Variants in MAP3K21 observed in about 807,000 individuals in gnomAD.
The protein encoded by MAP3K21 is mitogen-activated protein kinase kinase kinase MLK4.
In MAP3K21, 63 loss-of-function variants were observed where a neutral mutation model predicts 86.1. The ratio of observed to expected loss-of-function variants is 0.73; its 90% confidence interval spans 0.60 to 0.90. The LOEUF (loss-of-function observed/expected upper bound fraction) is 0.90, where lower values mean the gene tolerates loss of function less well. MAP3K21 is among the 40% of genes least tolerant of loss of function. The pLI, the probability that MAP3K21 is intolerant of heterozygous loss-of-function variation, is 0.00. For missense variants in MAP3K21, 1,220 were observed against 1,367.7 expected, an observed-to-expected ratio of 0.89 and a Z score of 1.70; for synonymous variants, 558 against 564.8, an observed-to-expected ratio of 0.99 and a Z score of 0.17.
chr1:233,347,191 A>G (rs1208970619), intron 2 of MAP3K21, among the ~76,000 whole-genome samples: 2 of 152,166 alleles, frequency 1.3e-5, no homozygotes, highest in Non-Finnish European at 2.9e-5. Context: ...CACTGCACCC[A>G]GCCTGAATTG....
intron 1 of MAP3K21, among the ~76,000 whole-genome samples, chr1:233,342,736 G>C (rs1663060159): frequency 6.6e-6 from 1 of 152,104 alleles, no homozygotes. Flanking sequence ...TAGATGGATA[G>C]GAAGAATGAA....
intron 5 of MAP3K21, among the ~76,000 whole-genome samples, chr1:233,369,984 G>A (rs1374924659): frequency 1.3e-5 from 2 of 152,094 alleles, no homozygotes; most frequent in Admixed American, 6.5e-5. Context: ...AATCATGAGA[G>A]GCCTTTGAAG....
In MAP3K21 at chr1:233,354,894, G is replaced by A. The variant is rs1272907373; in HGVS notation, c.1194G>A (p.Leu398=). Residue 398 remains leucine, a synonymous_variant, in exon 4 of 10, where the codon TTG becomes TTA. Transcript: ENST00000366624. The part of the protein sequence containing the change: ...RPSFALILEQ[L]TAIEGAVMTE... ...CGTTTGCCTTAATTCTCGAACAGTT[G>A]ACTGCTATTGAAGGGGCAGTGATGA... 5 of 1,613,846 alleles carry A rather than the reference G, an allele frequency of 3.1e-6. No individual in the cohort carries two copies. The highest frequency in any genetic ancestry group is 4.2e-6 in the Non-Finnish European group (5 of 1,179,900).
chr1:233,349,522 A>C (rs753183880), intron 2 of MAP3K21, among the ~76,000 whole-genome samples: 1 of 152,220 alleles, frequency 6.6e-6, no homozygotes, highest in Non-Finnish European at 1.5e-5. Context: ...AAGAGAAAAA[A>C]AGGAAAAGAA....
Position 233,362,221 on chromosome 1 carries a change from A to G in MAP3K21, c.1480A>G (p.Lys494Glu), listed in dbSNP as rs778618563. The G allele has an allele frequency of 6.8e-6, 11 of 1,614,136 alleles. No individual in the cohort carries two copies. Among genetic ancestry groups the G allele is most frequent in the Non-Finnish European group, 9.3e-6 (11 of 1,180,052 alleles). ...GCTAAACCAGGAGAAGCCCAAGGTA[A>G]AGAAGAGGAAGGGCAAGTTTAAGAG... ...FQLNQEKPKV[K>E]KRKGKFKRSR... The change falls in exon 5 of 10, where the codon AAG becomes GAG. Residue 494 changes from lysine (K) to glutamate (E), a missense_variant. Transcript: ENST00000366624.
chr1:233,349,215 A>G (rs1409796347), intron 2 of MAP3K21, among the ~76,000 whole-genome samples: 1 of 152,190 alleles, frequency 6.6e-6, no homozygotes, highest in East Asian at 1.9e-4. Context: ...TGAGTTAATG[A>G]CTAATTTTAG....
intron 3 of MAP3K21, 31 bp downstream of exon 3, chr1:233,353,986 G>A (rs765376115): frequency 4.2e-6 from 6 of 1,427,140 alleles, no homozygotes; most frequent in Non-Finnish European, 3.7e-6. Flanking sequence ...TGTCTTTGTG[G>A]GGGCAAGAAT....
chr1:233,362,263 A>G lies in MAP3K21; in HGVS notation c.1522A>G (p.Lys508Glu). ...GKFKRSRLKLKDGHRISLPSD... is the reference protein window; with the variant it reads ...GKFKRSRLKLEDGHRISLPSD... Reference sequence around the variant, plus strand: ...GTTTAAGAGAAGTCGTTTAAAGCTCAAAGATGGACATCGAATCAGTTTACC... The same window carrying G: ...GTTTAAGAGAAGTCGTTTAAAGCTCGAAGATGGACATCGAATCAGTTTACC... The change falls in exon 5 of 10, where the codon AAA (lysine) becomes GAA (glutamate). Residue 508 changes from lysine (K) to glutamate (E), a missense_variant. Lys to Glu is a moderately conservative substitution (Grantham distance 56). This residue lies in a region of MAP3K21 where 632 missense variants were observed against 691.3 expected (regional missense o/e 0.91). Coordinates refer to ENST00000366624, the MANE Select transcript of MAP3K21 (RefSeq NM_032435.3). 6.2e-7 allele frequency: 1 copy of G among 1,614,004 alleles called. No homozygotes were observed. The highest frequency in any genetic ancestry group is 8.5e-7 in the Non-Finnish European group (1 of 1,179,810).
intron 1 of MAP3K21, among the ~76,000 whole-genome samples, chr1:233,335,659 T>C (rs1163524510): frequency 6.6e-6 from 1 of 152,202 alleles, no homozygotes; most frequent in Non-Finnish European, 1.5e-5. Context: ...TCTCCGTATA[T>C]TGCCTGGATT....
chr1:233,384,851 T>C lies in MAP3K21; in HGVS notation c.*2140T>C, dbSNP rs1372423907. 1 of 152,266 alleles carries C rather than the reference T, an allele frequency of 6.6e-6. No individual in the cohort carries two copies. The highest frequency in any genetic ancestry group is 2.4e-5 in the African/African-American group (1 of 41,476). The allele number at this position is 152,266 out of a possible 1,614,324, so 9.4% of individuals were successfully genotyped here. On this transcript the variant is annotated 3_prime_UTR_variant, in exon 10 of 10. Coordinates refer to ENST00000366624, the MANE Select transcript of MAP3K21 (RefSeq NM_032435.3). ...AAGCTGTATTAAAATAATTGTAATA[T>C]AACAATTCAATCTCACATGTTACTG...
intron 7 of MAP3K21, 107 bp from the exon 8 acceptor site, chr1:233,376,322 AT>A (rs1198140155): frequency 1.9e-5 from 16 of 842,554 alleles, no homozygotes; most frequent in Non-Finnish European, 3.1e-5. Context: ...CTGAGTACAA[AT>A]GTGTTCTCTT....
intron 4 of MAP3K21, among the ~76,000 whole-genome samples, chr1:233,357,196 T>C (rs1406737438): frequency 6.6e-6 from 1 of 152,044 alleles, no homozygotes; most frequent in Non-Finnish European, 1.5e-5. Context: ...TAGGTGGGAA[T>C]TGAACAATGA....
Position 233,353,962 on chromosome 1 carries a change from TGTG to T in MAP3K21, c.1135+8_1135+10del. ...TTTGCCAAGCTCATGAAAGGTATTG[TGTG>T]TGTGTGTGTGTGTCTTTGTGGGGGC... On this transcript the variant is annotated splice_region_variant and intron_variant, in intron 3 of 9. Transcript: ENST00000366624. 9.6e-6 allele frequency: 14 copies of T among 1,460,822 alleles called. No individual in the cohort carries two copies. The highest frequency in any genetic ancestry group is 4.2e-5 in the South Asian group (3 of 72,258). 90.5% of individuals were successfully genotyped at this position (1,460,822 alleles called of 1,614,324 possible).
At position 233,379,400 on chromosome 1, in the gene MAP3K21, C is replaced by T. The variant is rs756514065; in HGVS notation, c.2394C>T (p.Ala798=). Residue 798 remains alanine, a synonymous_variant, in exon 9 of 10, where the codon GCC becomes GCT. Coordinates refer to ENST00000366624, the MANE Select transcript of MAP3K21 (RefSeq NM_032435.3). ...SSPPSLPLSS[A]LGILSTPSFS... ...CACCCTCCCTGCCACTGTCAAGTGC[C>T]CTGGGCATCCTCTCCACACCTTCTT... 4 of 1,614,184 alleles carry T rather than the reference C, an allele frequency of 2.5e-6. No homozygotes were observed. The Admixed American group carries it at 6.7e-5, about 27-fold the overall frequency.
In MAP3K21 at chr1:233,384,106, A is replaced by C. The variant is rs767819061; in HGVS notation, c.*1395A>C. 1 of 152,216 alleles carries C rather than the reference A, an allele frequency of 6.6e-6. No homozygotes were observed. The highest frequency in any genetic ancestry group is 1.9e-4 in the East Asian group (1 of 5,200). 9.4% of individuals were successfully genotyped at this position (152,216 alleles called of 1,614,324 possible). A position where few individuals can be genotyped will look rare whatever the true frequency, so the allele number is the denominator to read the frequency against. On this transcript the variant is annotated 3_prime_UTR_variant, in exon 10 of 10. Coordinates refer to ENST00000366624, the MANE Select transcript of MAP3K21 (RefSeq NM_032435.3). ...ACATTTAAATTTTTCCAAACAATGAAAAACTAAATTAAAAACATTGCTTGA... is the reference window on the plus strand; with the variant it reads ...ACATTTAAATTTTTCCAAACAATGACAAACTAAATTAAAAACATTGCTTGA...
At chr1:233,377,032 T>G (rs926775163) in intron 8 of MAP3K21, among the ~76,000 whole-genome samples, 2 of 151,954 alleles carry the variant, frequency 1.3e-5, no homozygotes, top group Admixed American at 6.6e-5. Context: ...GAGCCAGAGG[T>G]GGCAGTGAGC....
intron 1 of MAP3K21, among the ~76,000 whole-genome samples, chr1:233,329,492 A>G (rs1171207026): frequency 1.3e-5 from 2 of 152,098 alleles, no homozygotes; most frequent in African/African-American, 4.8e-5. Flanking sequence ...TGTCGCTACT[A>G]AAAATACAAA....
intron 1 of MAP3K21, among the ~76,000 whole-genome samples, chr1:233,341,773 T>C (rs1483595412): frequency 6.6e-6 from 1 of 152,174 alleles, no homozygotes; most frequent in Non-Finnish European, 1.5e-5. Context: ...TTGAGGCCTA[T>C]TTTCATCAGT....
intron 3 of MAP3K21, 22 bp downstream of exon 3, chr1:233,353,977 G>A: frequency 1.4e-6 from 2 of 1,444,494 alleles, no homozygotes; most frequent in Non-Finnish European, 1.8e-6. Flanking sequence ...GTGTGTGTGT[G>A]TCTTTGTGGG....
Sources: allele counts gnomAD v4.1 joint callset (sites outside exome capture counted in the v4.1 genomes callset), GRCh38; gene constraint gnomAD v4.1.1; regional missense constraint gnomAD v4.1.1; transcripts MANE v1.5; gene names NCBI Gene and HGNC (gene_info 2026-07-23, HGNC 2026-07-21).